Variants in FRMD4A observed in about 807,000 individuals in gnomAD.
The protein encoded by FRMD4A is FERM domain containing 4A, also known as FERM domain-containing protein 4A.
A neutral mutation model predicts 129.1 loss-of-function variants in FRMD4A; 29 were observed. The observed-to-expected ratio is 0.22, with a 90% confidence interval of 0.17 to 0.31. The LOEUF is 0.31. Among genes scored for constraint, FRMD4A ranks in the 10% least tolerant of loss-of-function variants. The pLI, the probability that FRMD4A is intolerant of heterozygous loss-of-function variation, is 1.00. For synonymous variants in FRMD4A, 634 were observed against 571.6 expected (o/e 1.11, Z -1.56); for missense variants, 1,272 against 1,375.8 (o/e 0.92, Z 1.19).
Position 13,657,002 on chromosome 10 carries a change from C to T in FRMD4A, c.2587G>A (p.Val863Ile), listed in dbSNP as rs779410229. 8 of 1,567,066 alleles carry T rather than the reference C, an allele frequency of 5.1e-6. No individual in the cohort carries two copies. Among genetic ancestry groups the T allele is most frequent in the Non-Finnish European group, 2.6e-6 (3 of 1,163,650 alleles). ...LESDQEGHYSVKAQFKTSNSY... is the reference protein window; with the variant it reads ...LESDQEGHYSIKAQFKTSNSY... ...TTGGACGTCTTGAACTGAGCCTTGACGCTGTAGTGGCCCTCCTGGTCGCTC... is the reference window on the plus strand; with the variant it reads ...TTGGACGTCTTGAACTGAGCCTTGATGCTGTAGTGGCCCTCCTGGTCGCTC... Residue 863 changes from valine to isoleucine, a missense_variant, in exon 22 of 25, where the codon GTC becomes ATC. Physicochemically the swap from Val to Ile is conservative, Grantham distance 29. This residue lies in a region of FRMD4A where 972 missense variants were observed against 892.3 expected (regional missense o/e 1.09). Transcript: ENST00000357447.
chr10:13,965,250 G>C (rs1380160185), intron 2 of FRMD4A, among the ~76,000 whole-genome samples: 1 of 152,104 alleles, frequency 6.6e-6, no homozygotes, highest in East Asian at 1.9e-4. Context: ...CGCCCACCTT[G>C]TTCATGAAGG....
chr10:13,780,147 C>T (rs1345758645), intron 6 of FRMD4A, among the ~76,000 whole-genome samples: 2 of 152,030 alleles, frequency 1.3e-5, no homozygotes, highest in East Asian at 1.9e-4. Flanking sequence ...GGCAACATGG[C>T]AAAACCCCAT....
At chr10:13,706,749 G>GACACAC (rs3031967) in intron 13 of FRMD4A, among the ~76,000 whole-genome samples, 7,133 of 146,554 alleles carry the variant, frequency 0.049, 285 homozygotes, top group African/African-American at 0.11. Flanking sequence ...CACATACACT[G>GACACAC]ACACACACAC....
intron 2 of FRMD4A, among the ~76,000 whole-genome samples, chr10:13,910,888 GAAAAAAAAAAAAAAAAAAAAAAAAAAA>G (rs141449954): frequency 1.2e-5 from 1 of 83,100 alleles, no homozygotes; most frequent in African/African-American, 5.0e-5. Flanking sequence ...GGAGTTTCAT[GAAAAAAAAAAAAAAAAAAAAAAAAAAA>G]AAAAAAAAAA....
intron 5 of FRMD4A, among the ~76,000 whole-genome samples, chr10:13,791,164 T>C (rs1030143050): frequency 2.0e-5 from 3 of 152,270 alleles, no homozygotes; most frequent in African/African-American, 7.2e-5. Context: ...CTGGCTTTTA[T>C]TTTCTCTGCA....
At chr10:13,913,073 A>T (rs973479910) in intron 2 of FRMD4A, among the ~76,000 whole-genome samples, 4 of 97,154 alleles carry the variant, frequency 4.1e-5, no homozygotes, top group African/African-American at 7.7e-5. Flanking sequence ...AACTCCATTT[A>T]AAAAAAAAAA....
intron 2 of FRMD4A, among the ~76,000 whole-genome samples, chr10:13,892,465 G>C (rs2610800): frequency 0.99 from 151,349 of 152,274 alleles, 75,224 homozygotes; most frequent in Middle Eastern, 1. Flanking sequence ...CTGACACGTT[G>C]TCTTTCCAAA....
At chr10:13,862,757 T>G (rs1474260075) in intron 2 of FRMD4A, among the ~76,000 whole-genome samples, 5 of 152,214 alleles carry the variant, frequency 3.3e-5, no homozygotes, top group Non-Finnish European at 7.3e-5. Flanking sequence ...TTGTTCCATA[T>G]TCAAGTAAGA....
intron 6 of FRMD4A, among the ~76,000 whole-genome samples, chr10:13,777,199 G>C (rs1342325932): frequency 1.3e-5 from 2 of 152,188 alleles, no homozygotes; most frequent in Non-Finnish European, 2.9e-5. Flanking sequence ...ACTGACACAG[G>C]TTACACAGGC....
intron 2 of FRMD4A, among the ~76,000 whole-genome samples, chr10:14,234,374 T>C (rs748597925): frequency 7.2e-4 from 110 of 152,210 alleles, no homozygotes; most frequent in Admixed American, 7.2e-4. Context: ...TTTTTATCGT[T>C]GTGCATTCAG....
intron 2 of FRMD4A, among the ~76,000 whole-genome samples, chr10:14,306,479 C>G (rs1055224001): frequency 6.6e-6 from 1 of 152,194 alleles, no homozygotes; most frequent in Non-Finnish European, 1.5e-5. Context: ...TGAGATGACA[C>G]AGAATCTTTT....
chr10:14,024,499 G>A (rs1056055283), intron 2 of FRMD4A, among the ~76,000 whole-genome samples: 3 of 152,202 alleles, frequency 2.0e-5, no homozygotes, highest in South Asian at 2.1e-4. Flanking sequence ...CACCGTCGGC[G>A]TCAAATTTGA....
chr10:13,995,672 T>C (rs1046766525), intron 2 of FRMD4A, among the ~76,000 whole-genome samples: 3 of 152,326 alleles, frequency 2.0e-5, no homozygotes, highest in Admixed American at 6.5e-5. Context: ...TAATGTCAAA[T>C]GGCACGGCAT....
chr10:14,215,259 C>A (rs1026278643), intron 2 of FRMD4A, among the ~76,000 whole-genome samples: 1 of 152,092 alleles, frequency 6.6e-6, no homozygotes, highest in African/African-American at 2.4e-5. Context: ...AAAAACAAGC[C>A]AGGCCCTAAA....
intron 19 of FRMD4A, among the ~76,000 whole-genome samples, chr10:13,661,006 G>C (rs2082600452): frequency 6.6e-6 from 1 of 152,178 alleles, no homozygotes; most frequent in Non-Finnish European, 1.5e-5. Flanking sequence ...CCGACACATA[G>C]TAGGTGCTTG....
At chr10:13,864,748 T>G (rs146786264) in intron 2 of FRMD4A, among the ~76,000 whole-genome samples, 2,866 of 152,074 alleles carry the variant, frequency 0.019, 26 homozygotes, top group Middle Eastern at 0.034. Flanking sequence ...GCTAATTTTT[T>G]GCATTTTTGG....
chr10:14,081,447 G>A (rs1033980203), intron 2 of FRMD4A, among the ~76,000 whole-genome samples: 3 of 152,134 alleles, frequency 2.0e-5, no homozygotes, highest in African/African-American at 7.2e-5. Context: ...CTGTGAAGGA[G>A]AACTCCTGTG....
rs190349501 is a variant in FRMD4A, at chr10:13,984,929, G to T, written c.46-126017C>A. Among the ~76,000 whole-genome samples, 3 of 152,350 alleles carry T rather than the reference G, an allele frequency of 2.0e-5. No individual in the cohort carries two copies. In the East Asian group the frequency reaches 5.8e-4, roughly 29 times the overall value. ...ATGGCAATCCTGTGTGTAATTTGGGGGAAGCTCTGTGCTGTTAGATACTGA... is the reference window on the plus strand; with the variant it reads ...ATGGCAATCCTGTGTGTAATTTGGGTGAAGCTCTGTGCTGTTAGATACTGA... On this transcript the variant is annotated intron_variant, in intron 2 of 24. Transcript: ENST00000357447.
chr10:13,871,878 C>T (rs572756731), intron 2 of FRMD4A, among the ~76,000 whole-genome samples: 8 of 152,212 alleles, frequency 5.3e-5, no homozygotes, highest in Non-Finnish European at 1.0e-4. Flanking sequence ...CTCCCTGAGC[C>T]ACACCGCCGG....
Sources: allele counts gnomAD v4.1 joint callset (sites outside exome capture counted in the v4.1 genomes callset), GRCh38; gene constraint gnomAD v4.1.1; regional missense constraint gnomAD v4.1.1; transcripts MANE v1.5; gene names NCBI Gene and HGNC (gene_info 2026-07-23, HGNC 2026-07-21).